MIX23: variants seen among roughly 807,000 people sequenced by gnomAD.
MIX23 encodes protein MIX23.
Under a neutral mutation model 21.6 loss-of-function variants are expected in MIX23, and 13 were observed. That is an observed-to-expected ratio of 0.60 (90% confidence interval 0.39 to 0.96). The LOEUF is 0.96. MIX23 is among the 40% of genes least tolerant of loss of function. The probability of loss-of-function intolerance (pLI) is 0.00; values close to 1 mark genes in which losing one functional copy is unlikely to be tolerated. For synonymous variants in MIX23, 59 were observed against 58.0 expected, an observed-to-expected ratio of 1.02 and a Z score of -0.08; for missense variants, 144 against 171.2, an observed-to-expected ratio of 0.84 and a Z score of 0.89.
intron 2 of MIX23, among the ~76,000 whole-genome samples, chr3:122,369,940 T>A (rs1056763850): frequency 3.9e-5 from 6 of 152,066 alleles, no homozygotes; most frequent in Non-Finnish European, 1.5e-5. Flanking sequence ...TGTGGAGATG[T>A]GGTTTCGCCA....
intron 2 of MIX23, among the ~76,000 whole-genome samples, chr3:122,371,081 T>TA (rs1167179451): frequency 6.6e-6 from 1 of 152,148 alleles, no homozygotes; most frequent in African/African-American, 2.4e-5. Flanking sequence ...AAATAAACTA[T>TA]AAAAAAGATT....
chr3:122,376,591 CCT>C (rs2075488890), intron 1 of MIX23, among the ~76,000 whole-genome samples: 1 of 152,048 alleles, frequency 6.6e-6, no homozygotes, highest in African/African-American at 2.4e-5. Flanking sequence ...TGCACTCCAG[CCT>C]GGGAAACAAG....
intron 4 of MIX23, among the ~76,000 whole-genome samples, chr3:122,360,250 A>G (rs2075347844): frequency 1.3e-5 from 2 of 152,346 alleles, no homozygotes; most frequent in Admixed American, 1.3e-4. Flanking sequence ...CAACACAAAA[A>G]TATCTAAAAT....
chr3:122,376,260 T>C (rs1480731376), intron 1 of MIX23, among the ~76,000 whole-genome samples: 1 of 150,722 alleles, frequency 6.6e-6, no homozygotes, highest in African/African-American at 2.4e-5. Context: ...AACAGTTGAC[T>C]GGATAAAGAA....
intron 1 of MIX23, among the ~76,000 whole-genome samples, chr3:122,377,255 GCT>G (rs1261675663): frequency 2.6e-5 from 4 of 152,022 alleles, no homozygotes; most frequent in Admixed American, 1.3e-4. Flanking sequence ...AAAAAACAAA[GCT>G]CTGTTTTGGA....
At chr3:122,375,133 AAAAC>A (rs1370757333) in intron 1 of MIX23, among the ~76,000 whole-genome samples, 1 of 152,208 alleles carries the variant, frequency 6.6e-6, no homozygotes, top group African/African-American at 2.4e-5. Flanking sequence ...GACTCTGTCT[AAAAC>A]AAACAAACAA....
intron 1 of MIX23, among the ~76,000 whole-genome samples, chr3:122,378,848 A>C (rs1482134617): frequency 6.6e-6 from 1 of 152,208 alleles, no homozygotes; most frequent in Non-Finnish European, 1.5e-5. Flanking sequence ...GCCATGTGAG[A>C]TTATTTAAAT....
At chr3:122,376,030 C>T (rs192890068) in intron 1 of MIX23, among the ~76,000 whole-genome samples, 13 of 151,636 alleles carry the variant, frequency 8.6e-5, no homozygotes, top group African/African-American at 2.2e-4. Context: ...GGCATGGTGG[C>T]GCGCACCTGT....
At position 122,362,941 on chromosome 3, in the gene MIX23, T is replaced by C. The variant is rs1397620432; in HGVS notation, c.384+27A>G. ...GCTAGTTCAGTTTCCCTCCTACTTC[T>C]TTCCAAACACCAACATTATTTTATA... On this transcript the variant is annotated intron_variant, in intron 4 of 4. Transcript: ENST00000291458. 3.7e-6 allele frequency: 6 copies of C among 1,605,940 alleles called. No homozygotes were observed. The African/African-American group carries it at 4.0e-5, about 11-fold the overall frequency.
intron 4 of MIX23, 47 bp downstream of exon 4, chr3:122,362,902 CTTGGTTTCCCTTTGCTAGT>C: frequency 7.5e-7 from 1 of 1,339,912 alleles, no homozygotes; most frequent in Non-Finnish European, 1.1e-6. Flanking sequence ...CTCCCCCTCC[CTTGGTTTCCCTTTGCTAGT>C]TCAGTTTCCC....
rs913952856 is a variant in MIX23, at chr3:122,383,212, T to C, written c.13A>G (p.Ser5Gly). Residue 5 changes from serine to glycine, a missense_variant, in exon 1 of 5, where the codon AGT becomes GGT. Physicochemically the swap from Ser to Gly is moderately conservative, Grantham distance 56. Coordinates refer to ENST00000291458, the MANE Select transcript of MIX23 (RefSeq NM_001017928.4). ...AACTCCTCACAGTTCACACCGCCAC[T>C]GGGCGCCGCCATATTGGACAAACAC... MAAPSGGVNCEEFAE... is the reference protein window; with the variant it reads MAAPGGGVNCEEFAE... The C allele has an allele frequency of 6.2e-7, 1 of 1,612,928 alleles. No homozygotes were observed.
chr3:122,362,845 G>C, intron 4 of MIX23, 123 bp downstream of exon 4: 4 of 465,644 alleles, frequency 8.6e-6, no homozygotes, highest in Middle Eastern at 3.3e-4. Context: ...AATTGTAAAT[G>C]TAAACGAGTG....
Position 122,368,241 on chromosome 3 carries a change from C to A in MIX23, c.259G>T (p.Glu87Ter). The A allele has an allele frequency of 6.2e-7, 1 of 1,610,074 alleles. No homozygotes were observed. Among genetic ancestry groups the A allele is most frequent in the Non-Finnish European group, 8.5e-7 (1 of 1,179,554 alleles). The change falls in exon 3 of 5, where the codon GAA (glutamate) becomes TAA (stop). Residue 87 changes from glutamate (E) to a stop codon, truncating the protein, a stop_gained. Coordinates refer to ENST00000291458, the MANE Select transcript of MIX23 (RefSeq NM_001017928.4). LOFTEE classifies it high-confidence loss of function. Reference sequence around the variant, plus strand: ...TCGTCCAAATTCTTTTCTCTCTCTTCTCGGAGGTTTTTTACTACTGCTGAA... The same window carrying A: ...TCGTCCAAATTCTTTTCTCTCTCTTATCGGAGGTTTTTTACTACTGCTGAA... Reference protein sequence around the residue: ...QTSAVVKNLREEREKNLDDLT... With the variant: ...QTSAVVKNLR
At chr3:122,382,956 C>A (rs2075546476) in intron 1 of MIX23, among the ~76,000 whole-genome samples, 1 of 152,210 alleles carries the variant, frequency 6.6e-6, no homozygotes, top group African/African-American at 2.4e-5. Context: ...GGCCGGAGAG[C>A]CGCGGAGAGA....
chr3:122,376,098 G>C (rs933091787), intron 1 of MIX23, among the ~76,000 whole-genome samples: 3 of 142,506 alleles, frequency 2.1e-5, no homozygotes, highest in Non-Finnish European at 4.5e-5. Flanking sequence ...GGGAGGCAGA[G>C]GTTGCAGTGA....
chr3:122,376,049 C>G (rs2107685728), intron 1 of MIX23, among the ~76,000 whole-genome samples: 1 of 149,670 alleles, frequency 6.7e-6, no homozygotes, highest in Non-Finnish European at 1.5e-5. Context: ...GTAATCCCAG[C>G]TACTTGGGGA....
At position 122,359,830 on chromosome 3, in the gene MIX23, T is replaced by TTAAAAAAAAA. The variant is rs777269009; in HGVS notation, c.*38_*39insTTTTTTTTTA. On this transcript the variant is annotated 3_prime_UTR_variant, in exon 5 of 5. Coordinates refer to ENST00000291458, the MANE Select transcript of MIX23 (RefSeq NM_001017928.4). ...AGCTCTTATGAGATGACCCAGTCCT[T>TTAAAAAAAAA]AAAAAAAAAAAAAAAAAAAAAAAAA... is the stretch of plus-strand genomic sequence containing the variant. The TTAAAAAAAAA allele has an allele frequency of 2.0e-6, 2 of 1,007,850 alleles. No homozygotes were observed. The highest frequency in any genetic ancestry group is 6.5e-5 in the African/African-American group (2 of 30,790). 62.4% of individuals were successfully genotyped at this position (1,007,850 alleles called of 1,614,324 possible). A position where few individuals can be genotyped will look rare whatever the true frequency, so the allele number is the denominator to read the frequency against.
intron 1 of MIX23, among the ~76,000 whole-genome samples, chr3:122,373,422 C>T (rs774470874): frequency 2.2e-4 from 33 of 152,074 alleles, no homozygotes; most frequent in African/African-American, 6.8e-4. Context: ...CAGGCATGTG[C>T]AATACACCTT....
chr3:122,375,632 C>T (rs1353784011), intron 1 of MIX23, among the ~76,000 whole-genome samples: 4 of 152,014 alleles, frequency 2.6e-5, no homozygotes, highest in African/African-American at 7.2e-5. Flanking sequence ...TGTGGTACAG[C>T]CTTCTTTTGT....
Sources: allele counts gnomAD v4.1 joint callset (sites outside exome capture counted in the v4.1 genomes callset), GRCh38; gene constraint gnomAD v4.1.1; transcripts MANE v1.5; gene names NCBI Gene and HGNC (gene_info 2026-07-23, HGNC 2026-07-21).